ATF7IP2: variants seen among roughly 807,000 people sequenced by gnomAD.
The protein encoded by ATF7IP2 is activating transcription factor 7-interacting protein 2.
ATF7IP2 carries 42 observed loss-of-function variants against 64.2 expected under a neutral mutation model. That is an observed-to-expected ratio of 0.65 (90% CI 0.51 to 0.85). ATF7IP2 has a LOEUF of 0.85. Ranked by LOEUF, ATF7IP2 falls within the 40% of genes least tolerant of loss-of-function variation. The pLI, the probability that ATF7IP2 is intolerant of heterozygous loss-of-function variation, is 0.00. For missense variants in ATF7IP2, 933 were observed against 784.2 expected (o/e 1.19, Z -2.27); for synonymous variants, 308 against 272.8 (o/e 1.13, Z -1.27).
At chr16:10,407,681 T>G (rs1278370010) in intron 1 of ATF7IP2, among the ~76,000 whole-genome samples, 3 of 152,186 alleles carry the variant, frequency 2.0e-5, no homozygotes, top group Admixed American at 6.5e-5. Context: ...CAGGAACAGG[T>G]GTTACTCGGT....
chr16:10,417,392 T>C (rs759250979), intron 2 of ATF7IP2, among the ~76,000 whole-genome samples: 1 of 152,076 alleles, frequency 6.6e-6, no homozygotes. Flanking sequence ...GAAAAAGATA[T>C]TCTGTGCAAT....
intron 8 of ATF7IP2, chr16:10,449,640 T>A (rs1049276035): frequency 6.6e-6 from 1 of 152,254 alleles, no homozygotes; most frequent in South Asian, 2.1e-4. Context: ...TTCTGTGGGA[T>A]CAGTGGTGAT....
At chr16:10,464,509 A>G (rs2049488149) in intron 9 of ATF7IP2, among the ~76,000 whole-genome samples, 1 of 152,224 alleles carries the variant, frequency 6.6e-6, no homozygotes, top group African/African-American at 2.4e-5. Flanking sequence ...GCAGAAGCTC[A>G]TAGAAGAGAA....
chr16:10,431,745 A>G (rs2048262454), intron 5 of ATF7IP2, among the ~76,000 whole-genome samples: 1 of 150,344 alleles, frequency 6.7e-6, no homozygotes, highest in South Asian at 2.1e-4. Context: ...ATCTCTTCTT[A>G]TTTTGAAGTT....
chr16:10,456,618 A>C (rs1371247323), intron 8 of ATF7IP2, among the ~76,000 whole-genome samples: 2 of 152,230 alleles, frequency 1.3e-5, no homozygotes, highest in African/African-American at 4.8e-5. Flanking sequence ...GTGCCACCTC[A>C]ATCCCCAGTG....
chr16:10,410,562 C>G (rs1448408416), intron 1 of ATF7IP2, among the ~76,000 whole-genome samples: 2 of 152,152 alleles, frequency 1.3e-5, no homozygotes, highest in Non-Finnish European at 2.9e-5. Context: ...TATACAGTCA[C>G]ATCATCAGCA....
intron 5 of ATF7IP2, 115 bp downstream of exon 5, chr16:10,431,570 A>G: frequency 3.0e-6 from 2 of 667,572 alleles, no homozygotes; most frequent in South Asian, 2.8e-5. Context: ...AAATGATGAC[A>G]ATTATTTCAC....
intron 1 of ATF7IP2, among the ~76,000 whole-genome samples, chr16:10,394,601 A>G (rs969312690): frequency 3.9e-5 from 6 of 152,330 alleles, no homozygotes; most frequent in African/African-American, 1.4e-4. Context: ...AACATCCATC[A>G]ATATAGTCAC....
intron 9 of ATF7IP2, among the ~76,000 whole-genome samples, chr16:10,465,395 C>T (rs556776088): frequency 1.3e-5 from 2 of 152,034 alleles, no homozygotes; most frequent in South Asian, 2.1e-4. Context: ...GTTAGTCACA[C>T]TCAGGCTTCC....
At chr16:10,470,448 C>T (rs559622246) in intron 9 of ATF7IP2, among the ~76,000 whole-genome samples, 2 of 152,110 alleles carry the variant, frequency 1.3e-5, no homozygotes, top group African/African-American at 2.4e-5. Flanking sequence ...AATTGTATAT[C>T]TATCAATGCC....
chr16:10,470,712 G>T (rs2049762821), intron 9 of ATF7IP2, among the ~76,000 whole-genome samples: 5 of 151,900 alleles, frequency 3.3e-5, no homozygotes, highest in Admixed American at 3.3e-4. Flanking sequence ...TGAGCCCAGA[G>T]GTTCAGGCTT....
chr16:10,465,140 T>G (rs966890343), intron 9 of ATF7IP2, among the ~76,000 whole-genome samples: 1 of 152,182 alleles, frequency 6.6e-6, no homozygotes, highest in Non-Finnish European at 1.5e-5. Context: ...ATCCTACTCA[T>G]TATTAAAATT....
At chr16:10,410,942 A>G (rs1433610568) in intron 1 of ATF7IP2, among the ~76,000 whole-genome samples, 4 of 152,076 alleles carry the variant, frequency 2.6e-5, no homozygotes, top group Non-Finnish European at 5.9e-5. Flanking sequence ...ATTTTGTTGA[A>G]TCCTTTTTCT....
chr16:10,416,315 A>G (rs1297245931), intron 2 of ATF7IP2, among the ~76,000 whole-genome samples: 1 of 152,252 alleles, frequency 6.6e-6, no homozygotes, highest in African/African-American at 2.4e-5. Flanking sequence ...GGATGGCTCT[A>G]GAGGTCATTA....
chr16:10,400,329 C>T (rs1416617489), intron 1 of ATF7IP2, among the ~76,000 whole-genome samples: 1 of 152,210 alleles, frequency 6.6e-6, no homozygotes, highest in East Asian at 1.9e-4. Flanking sequence ...GCATTAGCCA[C>T]CGTGCCCAGC....
intron 9 of ATF7IP2, among the ~76,000 whole-genome samples, chr16:10,466,542 C>CTCTT (rs1299999285): frequency 2.6e-5 from 4 of 152,018 alleles, no homozygotes; most frequent in African/African-American, 4.8e-5. Flanking sequence ...TTGGTGGTAT[C>CTCTT]TCTTTCTTTT....
Position 10,423,807 on chromosome 16 carries a change from A to T in ATF7IP2, c.-160+4184A>T, listed in dbSNP as rs368618197. Among the ~76,000 whole-genome samples, 89 of 152,284 alleles carry T rather than the reference A, an allele frequency of 5.8e-4. 3 individuals carry two copies. In the South Asian group the frequency reaches 0.017, roughly 29 times the overall value. ...TCCAAGGTGGAACGAGCCAGAGCCC[A>T]TACTTGTCCCATTGTTACCCTGATG... On this transcript the variant is annotated intron_variant, in intron 3 of 13. Transcript: ENST00000562102.
At chr16:10,390,862 G>A (rs1036753858) in intron 1 of ATF7IP2, among the ~76,000 whole-genome samples, 2 of 152,128 alleles carry the variant, frequency 1.3e-5, no homozygotes, top group Non-Finnish European at 2.9e-5. Flanking sequence ...CAAAGCAAAC[G>A]CAAAGAAAGC....
rs758182834 is a variant in ATF7IP2, at chr16:10,482,262, A to G, written c.*13A>G. On this transcript the variant is annotated 3_prime_UTR_variant, in exon 14 of 14. Transcript: ENST00000562102. ...AAATCTTACGTAAAAGGTGTTTAATAATGATATACTACTTTTTTTTTCATA... is the reference window on the plus strand; with the variant it reads ...AAATCTTACGTAAAAGGTGTTTAATGATGATATACTACTTTTTTTTTCATA... The G allele has an allele frequency of 6.6e-7, 1 of 1,525,756 alleles. No homozygotes were observed. Among genetic ancestry groups the G allele is most frequent in the South Asian group, 1.2e-5 (1 of 80,890 alleles). The allele number at this position is 1,525,756 out of a possible 1,614,324, so 94.5% of individuals were successfully genotyped here.
Sources: gnomAD v4.1 joint callset for allele counts (sites outside exome capture counted in the v4.1 genomes callset) on GRCh38, gnomAD v4.1.1 for gene constraint, MANE v1.5 for transcripts, NCBI Gene and HGNC (gene_info 2026-07-23, HGNC 2026-07-21) for gene names.